PTGER4: variants seen among roughly 807,000 people sequenced by gnomAD.
PTGER4 encodes prostaglandin E receptor 4, also known as prostaglandin E2 receptor EP4 subtype.
In PTGER4, 11 loss-of-function variants were observed where a neutral mutation model predicts 33.2. The observed-to-expected ratio is 0.33, with a 90% confidence interval of 0.21 to 0.55. The LOEUF (loss-of-function observed/expected upper bound fraction) is 0.55, where lower values mean the gene tolerates loss of function less well. Ranked by LOEUF, PTGER4 falls within the 20% of genes least tolerant of loss-of-function variation. The pLI, the probability that PTGER4 is intolerant of heterozygous loss-of-function variation, is 0.92. For synonymous variants in PTGER4, 275 were observed against 281.5 expected (o/e 0.98, Z 0.23); for missense variants, 481 against 650.2 (o/e 0.74, Z 2.83).
chr5:40,701,371 G>C, the PTGER4 span, among the ~76,000 whole-genome samples: 1 of 152,226 alleles, frequency 6.6e-6, no homozygotes, highest in East Asian at 1.9e-4. Flanking sequence ...CACAATACAA[G>C]AATTTCACAA....
the PTGER4 span, among the ~76,000 whole-genome samples, chr5:40,726,099 C>T: frequency 2.0e-5 from 3 of 151,106 alleles, no homozygotes; most frequent in African/African-American, 4.9e-5. Flanking sequence ...CTTTCTTATT[C>T]TCTCATCCTT....
chr5:40,689,369 C>T (rs889327614), intron 2 of PTGER4, among the ~76,000 whole-genome samples: 3 of 152,200 alleles, frequency 2.0e-5, no homozygotes, highest in Non-Finnish European at 4.4e-5. Flanking sequence ...GATCCAGTAT[C>T]ATCCAGGAGT....
the PTGER4 span, among the ~76,000 whole-genome samples, chr5:40,708,292 A>C: frequency 3.3e-5 from 5 of 152,318 alleles, no homozygotes; most frequent in East Asian, 9.6e-4. Context: ...TAGCAAGACT[A>C]ATAAAGAAGA....
the PTGER4 span, among the ~76,000 whole-genome samples, chr5:40,709,378 A>T: frequency 1.3e-5 from 2 of 152,224 alleles, no homozygotes; most frequent in African/African-American, 4.8e-5. Flanking sequence ...AAGCATTCTT[A>T]TACACCAATA....
At chr5:40,728,409 G>A in the PTGER4 span, 2 of 1,613,720 alleles carry the variant, frequency 1.2e-6, no homozygotes, top group Non-Finnish European at 1.7e-6. Flanking sequence ...CCATGAATGT[G>A]GATTTTGCTG....
downstream of PTGER4, among the ~76,000 whole-genome samples, chr5:40,698,249 G>A (rs996101415): frequency 8.6e-5 from 13 of 151,862 alleles, no homozygotes; most frequent in African/African-American, 3.1e-4. Context: ...CTGGACACCA[G>A]CCTGGGCAAC....
At chr5:40,721,355 A>G in the PTGER4 span, among the ~76,000 whole-genome samples, 1 of 151,918 alleles carries the variant, frequency 6.6e-6, no homozygotes, top group East Asian at 1.9e-4. Context: ...ATTTCAAAAT[A>G]TATTACAAAG....
chr5:40,708,954 C>G, the PTGER4 span, among the ~76,000 whole-genome samples: 3 of 152,156 alleles, frequency 2.0e-5, no homozygotes, highest in African/African-American at 7.2e-5. Flanking sequence ...TCAATAGATG[C>G]AGAAAAGGCC....
chr5:40,695,311 G>A (rs1741564841), downstream of PTGER4, among the ~76,000 whole-genome samples: 1 of 152,152 alleles, frequency 6.6e-6, no homozygotes, highest in African/African-American at 2.4e-5. Flanking sequence ...TTGGGAGGCT[G>A]AGGAGGGCAG....
the PTGER4 span, chr5:40,730,429 T>G: frequency 9.6e-7 from 1 of 1,045,816 alleles, no homozygotes. Context: ...TAGTAAAATA[T>G]AAAATTTACC....
At chr5:40,697,148 AAGAG>A (rs1037567604), downstream of PTGER4, among the ~76,000 whole-genome samples, 3 of 130,920 alleles carry the variant, frequency 2.3e-5, no homozygotes, top group Non-Finnish European at 3.3e-5. Flanking sequence ...GAAGGAAAGA[AAGAG>A]AAAGAAAGAA....
At chr5:40,744,306 T>A in the PTGER4 span, among the ~76,000 whole-genome samples, 1 of 152,166 alleles carries the variant, frequency 6.6e-6, no homozygotes, top group Non-Finnish European at 1.5e-5. Context: ...CACCCTTTAT[T>A]CCCAATTTGA....
chr5:40,688,271 GCTTTACA>G (rs1741378500), intron 2 of PTGER4, among the ~76,000 whole-genome samples: 1 of 152,112 alleles, frequency 6.6e-6, no homozygotes, highest in African/African-American at 2.4e-5. Flanking sequence ...CTCGGAGATG[GCTTTACA>G]CAGTGCTTGT....
intron 2 of PTGER4, chr5:40,685,553 A>G (rs1215263211): frequency 1.3e-5 from 9 of 701,236 alleles, no homozygotes; most frequent in Non-Finnish European, 1.6e-5. Context: ...AAAAATTGCA[A>G]TGCCTAGAAG....
the PTGER4 span, among the ~76,000 whole-genome samples, chr5:40,706,169 T>C: frequency 6.6e-6 from 1 of 152,126 alleles, no homozygotes; most frequent in Non-Finnish European, 1.5e-5. Flanking sequence ...AGATCATGTC[T>C]TTCATGGGAA....
the PTGER4 span, among the ~76,000 whole-genome samples, chr5:40,706,867 C>A: frequency 6.6e-6 from 1 of 152,022 alleles, no homozygotes; most frequent in African/African-American, 2.4e-5. Context: ...AGAGTGGGGG[C>A]CAATATTCAA....
At chr5:40,701,183 T>G in the PTGER4 span, among the ~76,000 whole-genome samples, 3 of 152,196 alleles carry the variant, frequency 2.0e-5, no homozygotes, top group Non-Finnish European at 4.4e-5. Context: ...CAGGCTTAAC[T>G]GGCTGGAATG....
downstream of PTGER4, among the ~76,000 whole-genome samples, chr5:40,697,105 GAAAGGAAAGAA>G (rs1561134172): frequency 1.7e-3 from 111 of 65,958 alleles, no homozygotes; most frequent in African/African-American, 4.3e-3. Context: ...AGAAAAGAAA[GAAAGGAAAGAA>G]AAAAGAAAGA....
chr5:40,693,770 T>TG, downstream of PTGER4: 1 of 947,260 alleles, frequency 1.1e-6, no homozygotes, highest in Non-Finnish European at 1.3e-6. Flanking sequence ...GGAAAACTTG[T>TG]GGGGGCTTTT....
Sources: gnomAD v4.1 joint callset for allele counts (sites outside exome capture counted in the v4.1 genomes callset) on GRCh38, gnomAD v4.1.1 for gene constraint, MANE v1.5 for transcripts, NCBI Gene and HGNC (gene_info 2026-07-23, HGNC 2026-07-21) for gene names.